YEATS2: variants seen among roughly 807,000 people sequenced by gnomAD.
The protein encoded by YEATS2 is YEATS domain-containing protein 2.
A neutral mutation model predicts 163.2 loss-of-function variants in YEATS2; 77 were observed. The ratio of observed to expected loss-of-function variants is 0.47; its 90% CI spans 0.39 to 0.57. The LOEUF is 0.57. Among genes scored for constraint, YEATS2 ranks in the 20% least tolerant of loss-of-function variants. The pLI is 0.00. For synonymous variants in YEATS2, 631 were observed against 645.1 expected, an observed-to-expected ratio of 0.98 and a Z score of 0.33; for missense variants, 1,549 against 1,729.8, an observed-to-expected ratio of 0.90 and a Z score of 1.85.
chr3:183,730,052 G>GTTTGTTTTTTTTTT (rs1560244258), intron 7 of YEATS2, among the ~76,000 whole-genome samples: 8 of 41,718 alleles, frequency 1.9e-4, no homozygotes, highest in African/African-American at 1.6e-4. Flanking sequence ...TTTTTTGTTT[G>GTTTGTTTTTTTTTT]TTTTTTTTTT....
chr3:183,720,836 C>T (rs1335613400), intron 4 of YEATS2, among the ~76,000 whole-genome samples: 1 of 152,152 alleles, frequency 6.6e-6, no homozygotes, highest in Non-Finnish European at 1.5e-5. Flanking sequence ...TCTTTCCTTG[C>T]CTCTTCCTAG....
chr3:183,731,297 CAAAA>C (rs63002261), intron 7 of YEATS2, among the ~76,000 whole-genome samples: 2 of 122,874 alleles, frequency 1.6e-5, no homozygotes, highest in Admixed American at 7.7e-5. Flanking sequence ...GAGTCTGTCT[CAAAA>C]AAAAAAAAAA....
intron 8 of YEATS2, among the ~76,000 whole-genome samples, chr3:183,742,000 G>A (rs1006056525): frequency 2.0e-5 from 3 of 151,482 alleles, no homozygotes. Context: ...TGTGAGCCCA[G>A]GAGTTTGAGA....
intron 1 of YEATS2, among the ~76,000 whole-genome samples, chr3:183,713,388 C>A (rs1200523556): frequency 6.6e-6 from 1 of 152,088 alleles, no homozygotes; most frequent in African/African-American, 2.4e-5. Context: ...CAAGGTGAAA[C>A]CTTGTCTATA....
rs1354118747 is a variant in YEATS2 at position 183,810,216 on chromosome 3, TC to T, written c.4161-257del. 2.0e-5 allele frequency: 8 copies of T among 397,186 alleles called. No homozygotes were observed. In the East Asian group the frequency reaches 4.2e-4, roughly 21 times the overall value. The allele number at this position is 397,186 out of a possible 1,614,324, so 24.6% of individuals were successfully genotyped here. A position where few individuals can be genotyped will look rare whatever the true frequency, so the allele number is the denominator to read the frequency against. The stretch of plus-strand genomic sequence containing the variant: ...ACAAATGTGTCATTCCGTTCTGCCA[TC>T]CGCTTTGTTTTCTTTCTCTTTTCTC... On this transcript the variant is annotated intron_variant, in intron 30 of 30. Coordinates refer to ENST00000305135, the MANE Select transcript of YEATS2 (RefSeq NM_018023.5).
intron 27 of YEATS2, among the ~76,000 whole-genome samples, chr3:183,805,362 T>G (rs1485441705): frequency 6.6e-6 from 1 of 152,036 alleles, no homozygotes; most frequent in Non-Finnish European, 1.5e-5. Context: ...AGCACACCAC[T>G]GCACTCCAGC....
chr3:183,798,542 T>G (rs1725374591), intron 22 of YEATS2, among the ~76,000 whole-genome samples: 1 of 152,082 alleles, frequency 6.6e-6, no homozygotes, highest in African/African-American at 2.4e-5. Context: ...TTAGTAAAGA[T>G]GGGGTTTCAC....
intron 1 of YEATS2, among the ~76,000 whole-genome samples, chr3:183,698,719 A>G (rs975171138): frequency 1.3e-5 from 2 of 152,196 alleles, no homozygotes; most frequent in African/African-American, 2.4e-5. Context: ...TTCAGCAGTT[A>G]CAGAGTTGAC....
At chr3:183,803,964 C>T in intron 26 of YEATS2, 23 bp from the exon 27 acceptor site, 1 of 1,612,162 alleles carries the variant, frequency 6.2e-7, no homozygotes, top group Non-Finnish European at 8.5e-7. Context: ...ATTATGGTTC[C>T]AAAAGAAAAT....
intron 6 of YEATS2, among the ~76,000 whole-genome samples, chr3:183,727,128 A>C (rs762804542): frequency 1.3e-5 from 2 of 152,112 alleles, no homozygotes; most frequent in Non-Finnish European, 2.9e-5. Flanking sequence ...CTAACAGTAT[A>C]TATTTAGTAA....
At chr3:183,733,219 A>G (rs58783705) in intron 7 of YEATS2, among the ~76,000 whole-genome samples, 1,820 of 152,318 alleles carry the variant, frequency 0.012, 39 homozygotes, top group African/African-American at 0.042. Context: ...GAAGTTTTTA[A>G]TTATATTGAG....
rs181205950 is a variant in YEATS2 at position 183,806,313 on chromosome 3, G to A, written c.3785-553G>A. The A allele has an allele frequency of 2.1e-4, 95 of 456,274 alleles. 2 individuals carry two copies. In the East Asian group the frequency reaches 2.3e-3, roughly 11 times the overall value. 28.3% of individuals were successfully genotyped at this position (456,274 alleles called of 1,614,324 possible). A position where few individuals can be genotyped will look rare whatever the true frequency, so the allele number is the denominator to read the frequency against. On this transcript the variant is annotated intron_variant, in intron 27 of 30. Transcript: ENST00000305135. ...CAGGAGCTGGGTGCCCTTAAATCTT[G>A]TACCTGGTGTGGACCTCACACACTC...
chr3:183,763,778 A>AT (rs750761140), intron 15 of YEATS2, among the ~76,000 whole-genome samples: 2 of 152,130 alleles, frequency 1.3e-5, no homozygotes, highest in Non-Finnish European at 2.9e-5. Context: ...TAAGTATATA[A>AT]TATGGGCTCG....
At chr3:183,780,354 A>G (rs192538377) in intron 19 of YEATS2, among the ~76,000 whole-genome samples, 260 of 152,300 alleles carry the variant, frequency 1.7e-3, no homozygotes, top group South Asian at 3.7e-3. Flanking sequence ...AGCTTCTGCT[A>G]TCTCCAGATG....
At chr3:183,767,856 T>C (rs1284968999) in intron 15 of YEATS2, among the ~76,000 whole-genome samples, 2 of 152,244 alleles carry the variant, frequency 1.3e-5, no homozygotes, top group East Asian at 3.9e-4. Context: ...AAATTACGTG[T>C]CATATCCTGA....
chr3:183,740,294 G>T (rs1199492539), intron 8 of YEATS2, among the ~76,000 whole-genome samples: 1 of 151,896 alleles, frequency 6.6e-6, no homozygotes, highest in Non-Finnish European at 1.5e-5. Context: ...GTGGGCGAAG[G>T]ACATGAACAG....
chr3:183,740,158 G>T (rs2109193649), intron 8 of YEATS2, among the ~76,000 whole-genome samples: 1 of 149,002 alleles, frequency 6.7e-6, no homozygotes, highest in African/African-American at 2.5e-5. Context: ...ACTACCATCA[G>T]AGTGAACAGG....
chr3:183,806,643 C>T, intron 27 of YEATS2: 1 of 559,424 alleles, frequency 1.8e-6, no homozygotes, highest in Non-Finnish European at 3.2e-6. Flanking sequence ...TCTTAGATGG[C>T]AGTTACCTTA....
chr3:183,715,725 T>C (rs1715781412), intron 2 of YEATS2, among the ~76,000 whole-genome samples: 1 of 152,206 alleles, frequency 6.6e-6, no homozygotes, highest in South Asian at 2.1e-4. Flanking sequence ...AAATGTGTCA[T>C]ATGGTTCTCA....
Sources: allele counts gnomAD v4.1 joint callset (sites outside exome capture counted in the v4.1 genomes callset), GRCh38; gene constraint gnomAD v4.1.1; transcripts MANE v1.5; gene names NCBI Gene and HGNC (gene_info 2026-07-23, HGNC 2026-07-21).